LRBA: variants seen among roughly 807,000 people sequenced by gnomAD.
LRBA encodes the protein LPS responsive beige-like anchor protein.
A neutral mutation model predicts 330.0 loss-of-function variants in LRBA; 176 were observed. The observed-to-expected ratio is 0.53, with a 90% CI of 0.47 to 0.60. The LOEUF (loss-of-function observed/expected upper bound fraction) is 0.60. Among genes scored for constraint, LRBA ranks in the 20% least tolerant of loss-of-function variants. The probability of loss-of-function intolerance (pLI) is 0.00; values close to 1 mark genes in which losing one functional copy is unlikely to be tolerated. For synonymous variants in LRBA, 1,230 were observed against 1,193.0 expected, an observed-to-expected ratio of 1.03 and a Z score of -0.64; for missense variants, 3,259 against 3,444.8, an observed-to-expected ratio of 0.95 and a Z score of 1.35.
intron 5 of LRBA, among the ~76,000 whole-genome samples, chr4:150,919,309 T>C (rs1185925371): frequency 6.6e-6 from 1 of 152,220 alleles, no homozygotes; most frequent in East Asian, 1.9e-4. Context: ...TGTGAACACA[T>C]TTACCTACTA....
At chr4:150,693,465 G>A (rs1243342586) in intron 36 of LRBA, among the ~76,000 whole-genome samples, 3 of 146,560 alleles carry the variant, frequency 2.0e-5, no homozygotes, top group South Asian at 2.2e-4. Flanking sequence ...TTGGGAGGCT[G>A]AGGCAGGAGA....
chr4:150,726,163 T>C (rs1281979923), intron 36 of LRBA, among the ~76,000 whole-genome samples: 1 of 152,118 alleles, frequency 6.6e-6, no homozygotes, highest in Non-Finnish European at 1.5e-5. Context: ...TAACATTAAA[T>C]GTAAATGGAC....
At chr4:150,869,214 C>T (rs976369849) in intron 20 of LRBA, among the ~76,000 whole-genome samples, 2 of 151,950 alleles carry the variant, frequency 1.3e-5, no homozygotes, top group African/African-American at 2.4e-5. Flanking sequence ...CCACCACGGC[C>T]GGCCTACCAT....
At chr4:150,565,247 A>G (rs961293096) in intron 40 of LRBA, among the ~76,000 whole-genome samples, 35 of 152,062 alleles carry the variant, frequency 2.3e-4, no homozygotes, top group Admixed American at 2.2e-3. Flanking sequence ...CAGCAAACAC[A>G]GGAACCAACA....
At chr4:150,692,245 A>G (rs1250829667) in intron 36 of LRBA, among the ~76,000 whole-genome samples, 1 of 151,956 alleles carries the variant, frequency 6.6e-6, no homozygotes, top group Admixed American at 6.6e-5. Context: ...TTCAGGCAGG[A>G]TTTCACTCTA....
intron 35 of LRBA, among the ~76,000 whole-genome samples, chr4:150,738,482 C>T (rs532864538): frequency 8.8e-4 from 134 of 152,202 alleles, no homozygotes; most frequent in East Asian, 1.7e-3. Flanking sequence ...AACCAACATA[C>T]TTCACAAGGA....
At chr4:150,785,705 A>G (rs1738952945) in intron 34 of LRBA, among the ~76,000 whole-genome samples, 1 of 152,192 alleles carries the variant, frequency 6.6e-6, no homozygotes, top group Admixed American at 6.5e-5. Context: ...ATAATAATGT[A>G]CTTGACCAGA....
At chr4:150,520,785 G>C (rs1467382347) in intron 40 of LRBA, among the ~76,000 whole-genome samples, 1 of 152,180 alleles carries the variant, frequency 6.6e-6, no homozygotes, top group Admixed American at 6.5e-5. Flanking sequence ...GGGCCTACTT[G>C]AGGTTGAAGG....
chr4:150,654,274 C>T (rs1463837041), intron 37 of LRBA, among the ~76,000 whole-genome samples: 2 of 152,082 alleles, frequency 1.3e-5, no homozygotes, highest in Non-Finnish European at 2.9e-5. Flanking sequence ...GCAACCTCTG[C>T]CTCCCGGGTT....
rs760647710 is a variant in LRBA, at chr4:150,908,650, CA to C, written c.1359+9del. 6.2e-7 allele frequency: 1 copy of C among 1,605,752 alleles called. No individual in the cohort carries two copies. Among genetic ancestry groups the C allele is most frequent in the Non-Finnish European group, 8.5e-7 (1 of 1,175,086 alleles). On this transcript the variant is annotated intron_variant, in intron 10 of 56. Transcript: ENST00000651943. ...CATTATAAATGTTCTTAAAAGATCA[CA>C]GTTAGTACCTGGAGCATGAGTGCAT...
At chr4:150,969,341 C>T (rs1739263648) in intron 2 of LRBA, among the ~76,000 whole-genome samples, 1 of 152,208 alleles carries the variant, frequency 6.6e-6, no homozygotes, top group Admixed American at 6.5e-5. Flanking sequence ...GAAAATGATT[C>T]ACCATTGTAG....
At chr4:150,695,165 C>T (rs1784516508) in intron 36 of LRBA, among the ~76,000 whole-genome samples, 1 of 152,104 alleles carries the variant, frequency 6.6e-6, no homozygotes, top group Non-Finnish European at 1.5e-5. Context: ...TAAACTATGG[C>T]TGCTATCTGT....
chr4:150,994,091 G>A (rs929426595), intron 2 of LRBA, among the ~76,000 whole-genome samples: 2 of 150,598 alleles, frequency 1.3e-5, no homozygotes, highest in African/African-American at 2.4e-5. Context: ...AATCAATTAT[G>A]TGAAATTTAG....
chr4:150,544,449 C>A lies in LRBA; in HGVS notation c.6330+43599G>T, dbSNP rs1331462442. Among the ~76,000 whole-genome samples the A allele has an allele frequency of 2.6e-5, 4 of 152,136 alleles. No individual in the cohort carries two copies. The East Asian group carries it at 7.7e-4, about 29-fold the overall frequency. On this transcript the variant is annotated intron_variant, in intron 40 of 56. Coordinates refer to ENST00000651943, the MANE Select transcript of LRBA (RefSeq NM_001364905.1). ...CTATCTCTTTAAACTGACATTTACCCTAAGCCTGGAATACAATAACCGCTC... is the reference window on the plus strand; with the variant it reads ...CTATCTCTTTAAACTGACATTTACCATAAGCCTGGAATACAATAACCGCTC...
At chr4:150,599,861 A>G (rs562353975) in intron 37 of LRBA, among the ~76,000 whole-genome samples, 3 of 152,298 alleles carry the variant, frequency 2.0e-5, no homozygotes, top group African/African-American at 7.2e-5. Flanking sequence ...TCTATTTTCA[A>G]GCAAATCAGA....
At chr4:150,720,601 GACAA>G (rs1582142960) in intron 36 of LRBA, among the ~76,000 whole-genome samples, 1 of 151,890 alleles carries the variant, frequency 6.6e-6, no homozygotes. Flanking sequence ...AGATGTGAAA[GACAA>G]ACATATATCT....
At chr4:150,847,911 T>A (rs971708512) in intron 26 of LRBA, among the ~76,000 whole-genome samples, 1 of 152,226 alleles carries the variant, frequency 6.6e-6, no homozygotes, top group African/African-American at 2.4e-5. Context: ...TGTACTTGAA[T>A]GATGCTAGTT....
At chr4:150,327,266 G>T (rs554663029) in intron 48 of LRBA, among the ~76,000 whole-genome samples, 6 of 152,056 alleles carry the variant, frequency 3.9e-5, no homozygotes, top group African/African-American at 1.4e-4. Context: ...AAAAAATAAA[G>T]AAAATTGGCT....
chr4:150,520,821 T>C (rs1581568281), intron 40 of LRBA, among the ~76,000 whole-genome samples: 2 of 152,186 alleles, frequency 1.3e-5, no homozygotes, highest in Admixed American at 6.5e-5. Context: ...TATGTACCTA[T>C]TGGGTAACTA....
Sources: gnomAD v4.1 joint callset for allele counts (sites outside exome capture counted in the v4.1 genomes callset) on GRCh38, gnomAD v4.1.1 for gene constraint, MANE v1.5 for transcripts, NCBI Gene and HGNC (gene_info 2026-07-23, HGNC 2026-07-21) for gene names.